Variants in SSBP3 observed in about 807,000 individuals in gnomAD.
SSBP3 encodes the protein single stranded DNA binding protein 3.
A neutral mutation model predicts 69.6 loss-of-function variants in SSBP3; 5 were observed. The ratio of observed to expected loss-of-function variants is 0.07; its 90% CI spans 0.04 to 0.15. SSBP3 has a LOEUF of 0.15. Ranked by LOEUF, SSBP3 falls within the 10% of genes least tolerant of loss-of-function variation. The pLI is 1.00. For missense variants in SSBP3, 312 were observed against 534.0 expected, an observed-to-expected ratio of 0.58 and a Z score of 4.10; for synonymous variants, 196 against 193.4, an observed-to-expected ratio of 1.01 and a Z score of -0.11.
intron 9 of SSBP3, 21 bp downstream of exon 9, chr1:54,251,595 G>T (rs369265213): frequency 1.3e-6 from 2 of 1,550,732 alleles, no homozygotes; most frequent in Admixed American, 3.9e-5. Context: ...GGAGACGGAC[G>T]GACAGACAGG....
In SSBP3 at chr1:54,340,291, A is replaced by G. The variant is rs372921522; in HGVS notation, c.277-58764T>C. Among the ~76,000 whole-genome samples, 168 of 152,352 alleles carry G rather than the reference A, an allele frequency of 1.1e-3. 4 individuals carry two copies. The South Asian group carries it at 0.027, about 25-fold the overall frequency. On this transcript the variant is annotated intron_variant, in intron 4 of 17. Transcript: ENST00000610401. The stretch of plus-strand genomic sequence containing the variant: ...AGCTTGTCTCTTTTCGGCTGCAGTA[A>G]TATTTGCAAAGGGAGTCGGTATCCC...
intron 4 of SSBP3, among the ~76,000 whole-genome samples, chr1:54,283,716 C>G (rs1397773377): frequency 6.6e-6 from 1 of 152,236 alleles, no homozygotes; most frequent in Admixed American, 6.5e-5. Flanking sequence ...CAAGAGCTAT[C>G]CTGCTAACCA....
chr1:54,297,309 G>T (rs1645719776), intron 4 of SSBP3, among the ~76,000 whole-genome samples: 1 of 152,226 alleles, frequency 6.6e-6, no homozygotes, highest in African/African-American at 2.4e-5. Context: ...ACAGTGGCAT[G>T]AAGCACAAAT....
intron 4 of SSBP3, among the ~76,000 whole-genome samples, chr1:54,284,103 CTT>C (rs5774181): frequency 0.26 from 22,337 of 86,456 alleles, 2,571 homozygotes; most frequent in South Asian, 0.39. Flanking sequence ...TATTTAACCA[CTT>C]TTTTTTTTTT....
intron 13 of SSBP3, among the ~76,000 whole-genome samples, chr1:54,240,087 T>TGTGTGCGC (rs1159547661): frequency 1.7e-4 from 7 of 42,338 alleles, no homozygotes; most frequent in Non-Finnish European, 2.9e-4. Flanking sequence ...TGTGTGTGTG[T>TGTGTGCGC]GCGCGCGCGC....
At chr1:54,401,974 G>C (rs1649336439) in intron 3 of SSBP3, 29 bp from the exon 4 acceptor site, 1 of 1,596,792 alleles carries the variant, frequency 6.3e-7, no homozygotes. Context: ...AATAAGGTCA[G>C]GTTACTAATT....
intron 4 of SSBP3, among the ~76,000 whole-genome samples, chr1:54,385,672 A>C (rs1256231519): frequency 2.0e-5 from 3 of 152,262 alleles, no homozygotes; most frequent in Non-Finnish European, 4.4e-5. Context: ...CCCTAAGCAC[A>C]GATACCTTCC....
At chr1:54,374,210 G>A (rs924995784) in intron 4 of SSBP3, among the ~76,000 whole-genome samples, 9 of 152,228 alleles carry the variant, frequency 5.9e-5, no homozygotes, top group African/African-American at 2.2e-4. Context: ...AGGTGCGCGG[G>A]AATGTGTGCG....
chr1:54,378,962 C>T (rs1032083887), intron 4 of SSBP3, among the ~76,000 whole-genome samples: 16 of 152,222 alleles, frequency 1.1e-4, no homozygotes, highest in Non-Finnish European at 4.4e-5. Context: ...AGGTGTCTCC[C>T]ACACCCTCCC....
chr1:54,297,538 G>A (rs900644899), intron 4 of SSBP3, among the ~76,000 whole-genome samples: 8 of 152,200 alleles, frequency 5.3e-5, no homozygotes, highest in African/African-American at 1.9e-4. Flanking sequence ...AGCTGAGGCA[G>A]GAGAATCGCT....
chr1:54,323,623 G>C (rs562586533), intron 4 of SSBP3, among the ~76,000 whole-genome samples: 3 of 152,318 alleles, frequency 2.0e-5, no homozygotes, highest in East Asian at 1.9e-4. Context: ...AAGGCCAGCA[G>C]ATGTGTGGGT....
chr1:54,355,093 G>C (rs1365706857), intron 4 of SSBP3, among the ~76,000 whole-genome samples: 1 of 152,200 alleles, frequency 6.6e-6, no homozygotes, highest in Non-Finnish European at 1.5e-5. Flanking sequence ...CACAATGGGA[G>C]GCTCTCAGGC....
At chr1:54,247,438 AG>A (rs1644753297) in intron 9 of SSBP3, among the ~76,000 whole-genome samples, 1 of 152,136 alleles carries the variant, frequency 6.6e-6, no homozygotes, top group South Asian at 2.1e-4. Context: ...AAGTTCCTCA[AG>A]GGGCCCTTTT....
At chr1:54,398,716 C>T (rs1649071275) in intron 4 of SSBP3, among the ~76,000 whole-genome samples, 1 of 151,856 alleles carries the variant, frequency 6.6e-6, no homozygotes, top group African/African-American at 2.4e-5. Context: ...GGACCGTGAC[C>T]CTCCTCCCGT....
chr1:54,368,262 C>T (rs549109065), intron 4 of SSBP3, among the ~76,000 whole-genome samples: 2 of 143,560 alleles, frequency 1.4e-5, no homozygotes, highest in Admixed American at 7.2e-5. Flanking sequence ...CACGCCACTG[C>T]ACTCCAGCAG....
At chr1:54,291,061 T>G (rs933774731) in intron 4 of SSBP3, among the ~76,000 whole-genome samples, 2 of 152,202 alleles carry the variant, frequency 1.3e-5, no homozygotes, top group Admixed American at 6.5e-5. Context: ...GAAAATTCCC[T>G]GGCGTGGACC....
At chr1:54,306,080 T>C (rs1190005323) in intron 4 of SSBP3, among the ~76,000 whole-genome samples, 2 of 151,862 alleles carry the variant, frequency 1.3e-5, no homozygotes, top group African/African-American at 4.8e-5. Flanking sequence ...CCCCAACTCC[T>C]TGCACACTTC....
intron 5 of SSBP3, among the ~76,000 whole-genome samples, chr1:54,259,471 C>T (rs917343563): frequency 2.6e-5 from 4 of 152,212 alleles, no homozygotes; most frequent in East Asian, 1.9e-4. Context: ...GCCCACCCAG[C>T]GTGGGATGCT....
At chr1:54,276,554 T>C (rs1480962679) in intron 5 of SSBP3, among the ~76,000 whole-genome samples, 1 of 127,936 alleles carries the variant, frequency 7.8e-6, no homozygotes, top group Non-Finnish European at 1.5e-5. Context: ...GAGGTTGCAG[T>C]GAGCCGAGAT....
Sources: allele counts gnomAD v4.1 joint callset (sites outside exome capture counted in the v4.1 genomes callset), GRCh38; gene constraint gnomAD v4.1.1; transcripts MANE v1.5; gene names NCBI Gene and HGNC (gene_info 2026-07-23, HGNC 2026-07-21).